Variants in KCNQ3 observed in about 807,000 individuals in gnomAD.
KCNQ3 encodes potassium voltage-gated channel subfamily KQT member 3.
Under a neutral mutation model 92.5 loss-of-function variants are expected in KCNQ3, and 30 were observed. That is an observed-to-expected ratio of 0.32 (90% CI 0.24 to 0.44). KCNQ3 has a LOEUF of 0.44. Ranked by LOEUF, KCNQ3 falls within the 20% of genes least tolerant of loss-of-function variation. KCNQ3 has a pLI of 1.00. For synonymous variants in KCNQ3, 450 were observed against 468.8 expected (o/e 0.96, Z 0.52); for missense variants, 913 against 1,140.3 (o/e 0.80, Z 2.87).
At chr8:132,428,926 G>A (rs1821177920) in intron 1 of KCNQ3, among the ~76,000 whole-genome samples, 1 of 152,182 alleles carries the variant, frequency 6.6e-6, no homozygotes, top group Non-Finnish European at 1.5e-5. Flanking sequence ...TATAATAAAG[G>A]TAGTAATAGA....
intron 1 of KCNQ3, among the ~76,000 whole-genome samples, chr8:132,316,512 CT>C (rs1353717336): frequency 6.6e-6 from 1 of 152,222 alleles, no homozygotes; most frequent in African/African-American, 2.4e-5. Flanking sequence ...ACACTGGCCA[CT>C]GTGTGGCTCA....
At chr8:132,169,075 C>T (rs879858294) in intron 8 of KCNQ3, among the ~76,000 whole-genome samples, 2 of 152,160 alleles carry the variant, frequency 1.3e-5, no homozygotes, top group East Asian at 3.9e-4. Context: ...CTTTGAAAGC[C>T]TCCAGATGTA....
intron 1 of KCNQ3, among the ~76,000 whole-genome samples, chr8:132,416,363 C>T (rs960902169): frequency 3.3e-5 from 5 of 152,180 alleles, no homozygotes; most frequent in African/African-American, 7.2e-5. Flanking sequence ...CACAGTGGCT[C>T]ATACCTGTAA....
At chr8:132,210,317 G>T (rs868302030) in intron 1 of KCNQ3, among the ~76,000 whole-genome samples, 2 of 152,192 alleles carry the variant, frequency 1.3e-5, no homozygotes, top group Admixed American at 6.5e-5. Flanking sequence ...CATGTCTCTT[G>T]CTGGTCACCT....
chr8:132,422,479 C>T (rs867992830), intron 1 of KCNQ3, among the ~76,000 whole-genome samples: 6 of 152,094 alleles, frequency 3.9e-5, no homozygotes, highest in South Asian at 2.1e-4. Context: ...CCTCTGCAAA[C>T]CCACCTGCTA....
At chr8:132,477,350 TAAAA>T (rs5895143) in intron 1 of KCNQ3, among the ~76,000 whole-genome samples, 3 of 143,720 alleles carry the variant, frequency 2.1e-5, no homozygotes, top group East Asian at 2.0e-4. Context: ...CATTTTAATT[TAAAA>T]AAAAAAAAAA....
At chr8:132,303,850 A>G (rs1204008047) in intron 1 of KCNQ3, among the ~76,000 whole-genome samples, 1 of 150,248 alleles carries the variant, frequency 6.7e-6, no homozygotes, top group African/African-American at 2.4e-5. Flanking sequence ...AAAATATTAT[A>G]TGTGTATATA....
In KCNQ3 at chr8:132,478,058, C is replaced by T. The variant is rs150214488; in HGVS notation, c.386+2089G>A. 1.3e-3 allele frequency among the ~76,000 whole-genome samples: 192 copies of T among 152,246 alleles called. 1 individual carries two copies. The highest frequency in any genetic ancestry group is 3.8e-3 in the African/African-American group (156 of 41,548). The stretch of plus-strand genomic sequence containing the variant: ...GTGTGAGGATTAAATAAAATTAGTA[C>T]ATTTGCATATTTGCATATATATGCA... On this transcript the variant is annotated intron_variant, in intron 1 of 14. Coordinates refer to ENST00000388996, the MANE Select transcript of KCNQ3 (RefSeq NM_004519.4).
chr8:132,458,644 G>A (rs764914791), intron 1 of KCNQ3, among the ~76,000 whole-genome samples: 30 of 152,120 alleles, frequency 2.0e-4, no homozygotes, highest in Non-Finnish European at 3.4e-4. Context: ...TAGTAGAGAC[G>A]GGGTTTCGCC....
intron 9 of KCNQ3, among the ~76,000 whole-genome samples, chr8:132,159,001 T>G (rs1825896430): frequency 6.6e-6 from 1 of 152,120 alleles, no homozygotes; most frequent in African/African-American, 2.4e-5. Flanking sequence ...AAATACAGAG[T>G]GAACCACTGG....
rs535976682 is a variant in KCNQ3, at chr8:132,443,319, GC to G, written c.386+36827del. On this transcript the variant is annotated intron_variant, in intron 1 of 14. Transcript: ENST00000388996. ...AGTATTCGCTCTGGCTTTGTTCACCGCTAAAGGCACCACCAAACCAGGTAAG... is the reference window on the plus strand; with the variant it reads ...AGTATTCGCTCTGGCTTTGTTCACCGTAAAGGCACCACCAAACCAGGTAAG... Among the ~76,000 whole-genome samples the G allele has an allele frequency of 1.4e-3, 216 of 151,888 alleles. 1 individual carries two copies. The highest frequency in any genetic ancestry group is 2.4e-3 in the Non-Finnish European group (162 of 67,982).
intron 1 of KCNQ3, among the ~76,000 whole-genome samples, chr8:132,236,110 T>A (rs1354822097): frequency 6.6e-6 from 1 of 152,204 alleles, no homozygotes; most frequent in Non-Finnish European, 1.5e-5. Flanking sequence ...AGCATGGCAG[T>A]GGGACTGGGT....
intron 8 of KCNQ3, among the ~76,000 whole-genome samples, chr8:132,167,091 T>C (rs1826164278): frequency 1.3e-5 from 2 of 152,248 alleles, no homozygotes; most frequent in South Asian, 4.1e-4. Context: ...TATTTGGCTA[T>C]AAAAAGGAAA....
At chr8:132,458,206 A>G (rs1821986398) in intron 1 of KCNQ3, among the ~76,000 whole-genome samples, 1 of 152,204 alleles carries the variant, frequency 6.6e-6, no homozygotes, top group Non-Finnish European at 1.5e-5. Context: ...AGGGCCACAC[A>G]GTGAGAAGTT....
intron 1 of KCNQ3, among the ~76,000 whole-genome samples, chr8:132,334,204 G>A (rs755698332): frequency 3.3e-5 from 5 of 152,040 alleles, no homozygotes; most frequent in African/African-American, 4.8e-5. Flanking sequence ...AGTTGTGGCC[G>A]GGTGTGGTGA....
At chr8:132,406,497 C>T (rs1263479569) in intron 1 of KCNQ3, among the ~76,000 whole-genome samples, 1 of 151,992 alleles carries the variant, frequency 6.6e-6, no homozygotes, top group Non-Finnish European at 1.5e-5. Context: ...AATTCCATTC[C>T]TGAGCCCCAC....
intron 1 of KCNQ3, among the ~76,000 whole-genome samples, chr8:132,192,501 G>A (rs577566650): frequency 6.6e-6 from 1 of 152,254 alleles, no homozygotes; most frequent in Admixed American, 6.5e-5. Flanking sequence ...GCCGCCCCCA[G>A]CTGCTTTCTT....
At chr8:132,447,467 G>T (rs1443034388) in intron 1 of KCNQ3, among the ~76,000 whole-genome samples, 1 of 152,110 alleles carries the variant, frequency 6.6e-6, no homozygotes, top group Non-Finnish European at 1.5e-5. Context: ...ACAGTGATTG[G>T]CTGTGTGTGA....
chr8:132,266,936 A>G (rs1271736280), intron 1 of KCNQ3, among the ~76,000 whole-genome samples: 2 of 152,148 alleles, frequency 1.3e-5, no homozygotes, highest in African/African-American at 4.8e-5. Context: ...AATTTTTCTT[A>G]CATATCAGAA....
Sources: gnomAD v4.1 joint callset for allele counts (sites outside exome capture counted in the v4.1 genomes callset) on GRCh38, gnomAD v4.1.1 for gene constraint, MANE v1.5 for transcripts, NCBI Gene and HGNC (gene_info 2026-07-23, HGNC 2026-07-21) for gene names.